TRPM3: variants seen among roughly 807,000 people sequenced by gnomAD.
The protein encoded by TRPM3 is transient receptor potential cation channel subfamily M member 3, also known as long transient receptor potential channel 3.
In TRPM3, 77 loss-of-function variants were observed where a neutral mutation model predicts 181.2. That is an observed-to-expected ratio of 0.42 (90% CI 0.35 to 0.51). The LOEUF (loss-of-function observed/expected upper bound fraction) is 0.51, where lower values mean the gene tolerates loss of function less well. TRPM3 is among the 20% of genes least tolerant of loss of function. The pLI is 0.01. For synonymous variants in TRPM3, 745 were observed against 796.4 expected, an observed-to-expected ratio of 0.94 and a Z score of 1.09; for missense variants, 1,759 against 2,196.7, an observed-to-expected ratio of 0.80 and a Z score of 3.98.
chr9:71,149,397 T>C (rs1015770166), intron 1 of TRPM3, among the ~76,000 whole-genome samples: 4 of 152,054 alleles, frequency 2.6e-5, no homozygotes, highest in Non-Finnish European at 5.9e-5. Flanking sequence ...AGTGAGACCC[T>C]GTCTCAAAAA....
intron 1 of TRPM3, among the ~76,000 whole-genome samples, chr9:70,982,934 C>T (rs183706070): frequency 5.9e-5 from 9 of 152,134 alleles, no homozygotes; most frequent in Middle Eastern, 3.4e-3. Flanking sequence ...CTCCTGACCT[C>T]GTGTTCCACC....
intron 5 of TRPM3, among the ~76,000 whole-genome samples, chr9:70,840,023 T>A (rs913978794): frequency 6.6e-6 from 1 of 152,126 alleles, no homozygotes; most frequent in Non-Finnish European, 1.5e-5. Flanking sequence ...TTGAGGGGAA[T>A]CTTCACTAAT....
intron 1 of TRPM3, among the ~76,000 whole-genome samples, chr9:71,174,795 G>A (rs1410876998): frequency 6.6e-6 from 1 of 152,124 alleles, no homozygotes; most frequent in Non-Finnish European, 1.5e-5. Context: ...AAGGACATAA[G>A]GAGATCCTGA....
At chr9:71,000,526 T>C (rs1235104799) in intron 1 of TRPM3, among the ~76,000 whole-genome samples, 1 of 152,238 alleles carries the variant, frequency 6.6e-6, no homozygotes, top group Non-Finnish European at 1.5e-5. Context: ...AGTTGGGGTC[T>C]GGAGAAATTT....
chr9:71,167,018 G>C (rs1003117402), intron 1 of TRPM3, among the ~76,000 whole-genome samples: 8 of 152,102 alleles, frequency 5.3e-5, no homozygotes, highest in African/African-American at 1.9e-4. Flanking sequence ...ATGGCAGAAA[G>C]GATTCAAGAG....
At chr9:70,882,701 G>C (rs2096015409) in intron 1 of TRPM3, among the ~76,000 whole-genome samples, 1 of 152,078 alleles carries the variant, frequency 6.6e-6, no homozygotes, top group Non-Finnish European at 1.5e-5. Context: ...CAAGTTCTTG[G>C]AAGTTATTTT....
intron 1 of TRPM3, among the ~76,000 whole-genome samples, chr9:71,207,225 T>C (rs1379808827): frequency 6.6e-6 from 1 of 152,154 alleles, no homozygotes; most frequent in African/African-American, 2.4e-5. Flanking sequence ...ACCATGCTGC[T>C]AACAATTACA....
chr9:70,965,810 T>C (rs1254323101), intron 1 of TRPM3, among the ~76,000 whole-genome samples: 2 of 151,880 alleles, frequency 1.3e-5, no homozygotes, highest in Non-Finnish European at 2.9e-5. Flanking sequence ...ACTCATAAAG[T>C]GGGTTGCGGA....
At chr9:71,358,686 A>G (rs2092011989) in intron 1 of TRPM3, among the ~76,000 whole-genome samples, 1 of 152,212 alleles carries the variant, frequency 6.6e-6, no homozygotes, top group Non-Finnish European at 1.5e-5. Context: ...AGGAAACTAG[A>G]AAGAACAGAA....
chr9:71,426,427 C>T (rs2093864677), intron 1 of TRPM3, among the ~76,000 whole-genome samples: 1 of 151,830 alleles, frequency 6.6e-6, no homozygotes, highest in South Asian at 2.1e-4. Context: ...CCAAACTGTA[C>T]TTATCAAGAA....
At chr9:71,151,029 G>A (rs1236894145) in intron 1 of TRPM3, among the ~76,000 whole-genome samples, 1 of 152,154 alleles carries the variant, frequency 6.6e-6, no homozygotes, top group South Asian at 2.1e-4. Flanking sequence ...CAAAAATTCA[G>A]ATTTGATCTC....
chr9:71,167,034 T>C (rs567336953), intron 1 of TRPM3, among the ~76,000 whole-genome samples: 1 of 152,226 alleles, frequency 6.6e-6, no homozygotes, highest in Non-Finnish European at 1.5e-5. Context: ...AAGAGCTCTG[T>C]TGAATGTTCC....
intron 7 of TRPM3, among the ~76,000 whole-genome samples, chr9:70,778,269 C>A (rs1232828767): frequency 1.3e-5 from 2 of 152,116 alleles, no homozygotes; most frequent in Non-Finnish European, 2.9e-5. Context: ...GTGAAGAATG[C>A]GCCACGCATT....
At chr9:71,385,382 G>A (rs115194216) in intron 1 of TRPM3, among the ~76,000 whole-genome samples, 2,997 of 152,260 alleles carry the variant, frequency 0.02, 93 homozygotes, top group African/African-American at 0.063. Context: ...CAACTCACAA[G>A]GTAAATTTAA....
intron 1 of TRPM3, among the ~76,000 whole-genome samples, chr9:71,247,156 C>G (rs879618187): frequency 5.3e-5 from 8 of 152,122 alleles, no homozygotes; most frequent in Non-Finnish European, 8.8e-5. Flanking sequence ...AGCCACCTGA[C>G]CAGCCTGACC....
At chr9:70,927,934 T>G (rs1421069845) in intron 1 of TRPM3, among the ~76,000 whole-genome samples, 2 of 152,218 alleles carry the variant, frequency 1.3e-5, no homozygotes, top group East Asian at 1.9e-4. Flanking sequence ...TTATTTTTTA[T>G]TAAAAGCTTT....
At chr9:70,917,722 G>A in intron 1 of TRPM3, among the ~76,000 whole-genome samples, 1 of 151,724 alleles carries the variant, frequency 6.6e-6, no homozygotes, top group Non-Finnish European at 1.5e-5. Flanking sequence ...CAGGAATGAA[G>A]AAAAGAAGTC....
At chr9:71,271,844 A>C (rs922046834) in intron 1 of TRPM3, among the ~76,000 whole-genome samples, 2 of 152,166 alleles carry the variant, frequency 1.3e-5, no homozygotes, top group Admixed American at 6.5e-5. Flanking sequence ...GAATCAAAAG[A>C]CATGAAAGAA....
chr9:70,793,469 A>AAT lies in TRPM3; in HGVS notation c.974-9192_974-9191dup, dbSNP rs59366619. ...AGGCTTTGTCTCAAAAAAAAAAAAA[A>AAT]ATATATATATATATATATATATAAA... On this transcript the variant is annotated intron_variant, in intron 6 of 25. Coordinates refer to ENST00000677713, the MANE Select transcript of TRPM3 (RefSeq NM_001366145.2). The AAT allele has an allele frequency of 5.6e-3, 691 of 123,146 alleles. 11 individuals are homozygous for AAT. Among genetic ancestry groups the AAT allele is most frequent in the African/African-American group, 0.016 (538 of 33,262 alleles). 7.6% of individuals were successfully genotyped at this position (123,146 alleles called of 1,614,324 possible). A position where few individuals can be genotyped will look rare whatever the true frequency, so the allele number is the denominator to read the frequency against.
Sources: gnomAD v4.1 joint callset for allele counts (sites outside exome capture counted in the v4.1 genomes callset) on GRCh38, gnomAD v4.1.1 for gene constraint, MANE v1.5 for transcripts, NCBI Gene and HGNC (gene_info 2026-07-23, HGNC 2026-07-21) for gene names.